DAAM1: variants seen among roughly 807,000 people sequenced by gnomAD.
The protein encoded by DAAM1 is disheveled-associated activator of morphogenesis 1.
A neutral mutation model predicts 130.0 loss-of-function variants in DAAM1; 52 were observed. That is an observed-to-expected ratio of 0.40 (90% confidence interval 0.32 to 0.50). The LOEUF is 0.50. Ranked by LOEUF, DAAM1 falls within the 20% of genes least tolerant of loss-of-function variation. The probability of loss-of-function intolerance (pLI) is 0.61; values close to 1 mark genes in which losing one functional copy is unlikely to be tolerated. For synonymous variants in DAAM1, 452 were observed against 444.5 expected, an observed-to-expected ratio of 1.02 and a Z score of -0.21; for missense variants, 1,134 against 1,303.8, an observed-to-expected ratio of 0.87 and a Z score of 2.01.
intron 1 of DAAM1, among the ~76,000 whole-genome samples, chr14:59,244,207 C>G (rs1004943579): frequency 1.3e-5 from 2 of 151,866 alleles, no homozygotes; most frequent in African/African-American, 4.8e-5. Context: ...TGTGAGGCCT[C>G]CCCAGCTATG....
At chr14:59,296,816 TA>T (rs1434243978) in intron 3 of DAAM1, among the ~76,000 whole-genome samples, 1 of 152,232 alleles carries the variant, frequency 6.6e-6, no homozygotes, top group Non-Finnish European at 1.5e-5. Flanking sequence ...TGCCATTGCT[TA>T]AAAGGTCAAG....
At chr14:59,219,594 A>G (rs1054788549) in intron 1 of DAAM1, among the ~76,000 whole-genome samples, 1 of 152,188 alleles carries the variant, frequency 6.6e-6, no homozygotes, top group African/African-American at 2.4e-5. Context: ...GTAGACTATT[A>G]TACGGTACTC....
chr14:59,204,323 A>G (rs1489446251), intron 1 of DAAM1, among the ~76,000 whole-genome samples: 1 of 152,236 alleles, frequency 6.6e-6, no homozygotes, highest in Non-Finnish European at 1.5e-5. Context: ...GAGGACCACT[A>G]GCTGTGGGCC....
intron 1 of DAAM1, among the ~76,000 whole-genome samples, chr14:59,211,066 C>T (rs1888411684): frequency 6.6e-6 from 1 of 152,072 alleles, no homozygotes; most frequent in Non-Finnish European, 1.5e-5. Flanking sequence ...ATATCATAAA[C>T]CAATATTGTA....
intron 17 of DAAM1, among the ~76,000 whole-genome samples, chr14:59,348,985 G>A (rs1355720662): frequency 1.3e-5 from 2 of 152,090 alleles, no homozygotes; most frequent in Admixed American, 1.3e-4. Context: ...AAGTCTCTTG[G>A]GGTTCTCTGT....
At chr14:59,366,467 AT>A (rs918163959) in intron 23 of DAAM1, among the ~76,000 whole-genome samples, 7 of 152,162 alleles carry the variant, frequency 4.6e-5, no homozygotes, top group African/African-American at 1.7e-4. Flanking sequence ...GCACCAGTAA[AT>A]GATATTAAAC....
At chr14:59,338,057 A>T (rs1420407909) in intron 15 of DAAM1, among the ~76,000 whole-genome samples, 1 of 152,180 alleles carries the variant, frequency 6.6e-6, no homozygotes, top group African/African-American at 2.4e-5. Flanking sequence ...GGTCATTTCA[A>T]AGAGGATTTA....
At chr14:59,309,652 C>T (rs1884502608) in intron 3 of DAAM1, among the ~76,000 whole-genome samples, 1 of 152,234 alleles carries the variant, frequency 6.6e-6, no homozygotes, top group South Asian at 2.1e-4. Context: ...ATAGCTACAA[C>T]AGACTGTGTG....
intron 1 of DAAM1, among the ~76,000 whole-genome samples, chr14:59,190,291 G>T (rs1484853118): frequency 6.6e-6 from 1 of 152,014 alleles, no homozygotes; most frequent in Non-Finnish European, 1.5e-5. Flanking sequence ...GAAACTAATT[G>T]TTTGGCGCCT....
chr14:59,202,582 A>C (rs1888139658), intron 1 of DAAM1, among the ~76,000 whole-genome samples: 1 of 151,578 alleles, frequency 6.6e-6, no homozygotes, highest in Non-Finnish European at 1.5e-5. Context: ...TCTTAGAGAA[A>C]CCCCCGGTTT....
intron 1 of DAAM1, among the ~76,000 whole-genome samples, chr14:59,257,397 A>C (rs1327659142): frequency 1.3e-5 from 2 of 151,474 alleles, no homozygotes; most frequent in Admixed American, 1.3e-4. Context: ...AAAGGCACTC[A>C]AATATGTATA....
chr14:59,325,965 C>G lies in DAAM1; in HGVS notation c.1062C>G (p.His354Gln). 1 of 1,614,016 alleles carries G rather than the reference C, an allele frequency of 6.2e-7. No individual in the cohort carries two copies. The highest frequency in any genetic ancestry group is 8.5e-7 in the Non-Finnish European group (1 of 1,179,874). Residue 354 changes from histidine (H) to glutamine (Q), a missense_variant, in exon 10 of 25, where the codon CAC (histidine) becomes CAG (glutamine). By Grantham distance (24) the His-to-Gln change is conservative (BLOSUM62 0). Around this residue, in one of 3 missense-constraint regions of DAAM1, gnomAD observed 391 missense variants for 521.6 expected, o/e 0.75. Transcript: ENST00000360909. ...TTCTTTTTCCTGTGAAATAGGTTCA[C>G]ATAGACACAAAAAGTGCAACTCAGA... is the stretch of plus-strand genomic sequence containing the variant. ...LEFAKRFELVHIDTKSATQMF... is the reference protein window; with the variant it reads ...LEFAKRFELVQIDTKSATQMF...
chr14:59,368,395 A>C (rs1166398350), intron 24 of DAAM1, among the ~76,000 whole-genome samples: 1 of 152,056 alleles, frequency 6.6e-6, no homozygotes, highest in Non-Finnish European at 1.5e-5. Context: ...TTTAACTAGA[A>C]TATCATGCAG....
At chr14:59,352,415 C>G (rs1886323898) in intron 17 of DAAM1, 111 bp from the exon 18 acceptor site, 2 of 766,490 alleles carry the variant, frequency 2.6e-6, no homozygotes, top group Admixed American at 5.2e-5. Context: ...AGCTTATACA[C>G]TCAACAAGAG....
At chr14:59,249,603 A>C (rs1291956691) in intron 1 of DAAM1, among the ~76,000 whole-genome samples, 1 of 152,230 alleles carries the variant, frequency 6.6e-6, no homozygotes, top group Non-Finnish European at 1.5e-5. Flanking sequence ...TCAATTTCAT[A>C]ATATTTCTTG....
chr14:59,215,295 A>G (rs1354271112), intron 1 of DAAM1, among the ~76,000 whole-genome samples: 1 of 152,258 alleles, frequency 6.6e-6, no homozygotes, highest in Non-Finnish European at 1.5e-5. Context: ...TCAAACAAAT[A>G]TAAAGGACCC....
chr14:59,300,772 C>A lies in DAAM1; in HGVS notation c.273+9466C>A, dbSNP rs142572584. Among the ~76,000 whole-genome samples, 161 of 152,238 alleles carry A rather than the reference C, an allele frequency of 1.1e-3. 2 individuals are homozygous for A. The East Asian group carries it at 0.021, about 19-fold the overall frequency. ...CATATATTTATAGCCTAACTCCATG[C>A]GCATTTATTCCTAAACAATATATAC... On this transcript the variant is annotated intron_variant, in intron 3 of 24. Transcript: ENST00000360909.
At chr14:59,263,175 G>C (rs1485858690) in intron 1 of DAAM1, among the ~76,000 whole-genome samples, 1 of 152,222 alleles carries the variant, frequency 6.6e-6, no homozygotes, top group Non-Finnish European at 1.5e-5. Context: ...AGCTCAGTGT[G>C]ATTAGAGTGT....
intron 4 of DAAM1, among the ~76,000 whole-genome samples, chr14:59,317,791 C>A (rs1566700256): frequency 6.6e-6 from 1 of 152,138 alleles, no homozygotes. Flanking sequence ...TTAAATGTAT[C>A]CGTCTAAGCC....
Sources: gnomAD v4.1 joint callset for allele counts (sites outside exome capture counted in the v4.1 genomes callset) on GRCh38, gnomAD v4.1.1 for gene constraint, gnomAD v4.1.1 regional missense constraint, MANE v1.5 for transcripts, NCBI Gene and HGNC (gene_info 2026-07-23, HGNC 2026-07-21) for gene names.